Variants in EXT1 observed in about 807,000 individuals in gnomAD.
EXT1 encodes exostosin glycosyltransferase 1, also known as exostosin-1.
Under a neutral mutation model 82.5 loss-of-function variants are expected in EXT1, and 20 were observed. The observed-to-expected ratio is 0.24, with a 90% confidence interval of 0.17 to 0.35. EXT1 has a LOEUF of 0.35. Among genes scored for constraint, EXT1 ranks in the 10% least tolerant of loss-of-function variants. The pLI is 1.00. For synonymous variants in EXT1, 348 were observed against 350.8 expected (o/e 0.99, Z 0.09); for missense variants, 757 against 936.5 (o/e 0.81, Z 2.50).
At chr8:117,909,005 G>A (rs7017373) in intron 1 of EXT1, among the ~76,000 whole-genome samples, 116 of 151,920 alleles carry the variant, frequency 7.6e-4, no homozygotes, top group Admixed American at 1.4e-3. Flanking sequence ...GGTTGTACGC[G>A]CCTGTAATCC....
At chr8:118,018,836 G>C (rs1423919682) in intron 1 of EXT1, among the ~76,000 whole-genome samples, 1 of 152,054 alleles carries the variant, frequency 6.6e-6, no homozygotes, top group Non-Finnish European at 1.5e-5. Flanking sequence ...CTCCAGCTCT[G>C]GGAAACCTCA....
intron 1 of EXT1, among the ~76,000 whole-genome samples, chr8:118,064,853 T>TA (rs1056831421): frequency 1.6e-5 from 1 of 63,260 alleles, no homozygotes; most frequent in Non-Finnish European, 2.6e-5. Flanking sequence ...GTTTCCTGAA[T>TA]TTTTTTTTTT....
At chr8:118,024,530 GAAAAAAAA>G (rs11293136) in intron 1 of EXT1, among the ~76,000 whole-genome samples, 1 of 147,310 alleles carries the variant, frequency 6.8e-6, no homozygotes, top group Non-Finnish European at 1.5e-5. Context: ...TTAAAAAAAA[GAAAAAAAA>G]AAACAGCTTC....
intron 1 of EXT1, among the ~76,000 whole-genome samples, chr8:117,963,120 G>T (rs1814735742): frequency 6.6e-6 from 1 of 152,108 alleles, no homozygotes; most frequent in Admixed American, 6.6e-5. Context: ...CTGTTCCCTG[G>T]AACACAGGCT....
chr8:117,989,074 A>C (rs991277915), intron 1 of EXT1, among the ~76,000 whole-genome samples: 3 of 151,852 alleles, frequency 2.0e-5, no homozygotes, highest in East Asian at 1.9e-4. Context: ...AAAAAAAAAA[A>C]AAAAAACTAT....
chr8:117,852,535 G>T (rs11990095), intron 1 of EXT1, among the ~76,000 whole-genome samples: 36,386 of 151,992 alleles, frequency 0.24, 4,683 homozygotes, highest in African/African-American at 0.33. Context: ...GAAACTTCAA[G>T]GCCTCTTCCT....
chr8:117,996,280 T>G (rs1296398174), intron 1 of EXT1, among the ~76,000 whole-genome samples: 1 of 152,184 alleles, frequency 6.6e-6, no homozygotes. Flanking sequence ...TAGATATGGG[T>G]GAGCAAGCCT....
intron 1 of EXT1, among the ~76,000 whole-genome samples, chr8:118,050,910 G>A (rs760679184): frequency 1.3e-5 from 2 of 152,150 alleles, no homozygotes; most frequent in Non-Finnish European, 2.9e-5. Context: ...GCTATTTAAT[G>A]TATTTTAGAT....
intron 1 of EXT1, among the ~76,000 whole-genome samples, chr8:117,906,558 T>C (rs2129979235): frequency 6.6e-6 from 1 of 152,340 alleles, no homozygotes; most frequent in East Asian, 1.9e-4. Context: ...CAACACCTTA[T>C]GACCTCAGAA....
intron 1 of EXT1, among the ~76,000 whole-genome samples, chr8:117,917,700 A>T (rs1054857903): frequency 1.8e-4 from 28 of 152,180 alleles, no homozygotes; most frequent in African/African-American, 6.0e-4. Context: ...TCTGTCTGTC[A>T]GTAGAATGGT....
intron 1 of EXT1, among the ~76,000 whole-genome samples, chr8:117,996,850 T>C (rs1305623053): frequency 6.6e-6 from 1 of 152,230 alleles, no homozygotes; most frequent in Non-Finnish European, 1.5e-5. Context: ...TTGAACATCT[T>C]AGCCCATTCT....
At chr8:117,851,967 T>C (rs1276690379) in intron 1 of EXT1, among the ~76,000 whole-genome samples, 1 of 152,156 alleles carries the variant, frequency 6.6e-6, no homozygotes, top group African/African-American at 2.4e-5. Flanking sequence ...TGAATAAAAA[T>C]GGTGGTAATA....
intron 1 of EXT1, among the ~76,000 whole-genome samples, chr8:117,944,834 C>T (rs1814354845): frequency 6.6e-6 from 1 of 152,098 alleles, no homozygotes; most frequent in Non-Finnish European, 1.5e-5. Flanking sequence ...TTCTGAGAAC[C>T]TCTATGGACC....
chr8:117,822,443 TC>T, intron 5 of EXT1, 21 bp downstream of exon 5: 1 of 1,611,924 alleles, frequency 6.2e-7, no homozygotes, highest in Non-Finnish European at 8.5e-7. Context: ...CAAGGGCAAC[TC>T]CCTGGAGGAA....
chr8:118,067,547 G>C (rs1236940407), intron 1 of EXT1, among the ~76,000 whole-genome samples: 2 of 152,182 alleles, frequency 1.3e-5, no homozygotes, highest in Non-Finnish European at 2.9e-5. Context: ...CTTTAAACTA[G>C]ACTATACACA....
chr8:118,031,207 C>G (rs1192373238), intron 1 of EXT1, among the ~76,000 whole-genome samples: 2 of 152,062 alleles, frequency 1.3e-5, no homozygotes, highest in Admixed American at 1.3e-4. Context: ...TTCTGATTTT[C>G]CATTCAATAA....
At chr8:118,062,924 A>G (rs1816905641) in intron 1 of EXT1, among the ~76,000 whole-genome samples, 3 of 152,344 alleles carry the variant, frequency 2.0e-5, no homozygotes, top group African/African-American at 2.4e-5. Context: ...AACTATGACT[A>G]GGTCACTATA....
chr8:118,049,771 G>A (rs1471979760), intron 1 of EXT1, among the ~76,000 whole-genome samples: 1 of 152,102 alleles, frequency 6.6e-6, no homozygotes, highest in East Asian at 1.9e-4. Flanking sequence ...AGTTTAGAAA[G>A]CAACCACATC....
chr8:117,857,087 T>C (rs1353475186), intron 1 of EXT1, among the ~76,000 whole-genome samples: 2 of 152,232 alleles, frequency 1.3e-5, no homozygotes, highest in Non-Finnish European at 2.9e-5. Context: ...CATGGTTAAC[T>C]GAATATTTTA....
Sources: gnomAD v4.1 joint callset for allele counts (sites outside exome capture counted in the v4.1 genomes callset) on GRCh38, gnomAD v4.1.1 for gene constraint, MANE v1.5 for transcripts, NCBI Gene and HGNC (gene_info 2026-07-23, HGNC 2026-07-21) for gene names.